GRK5: variants seen among roughly 807,000 people sequenced by gnomAD.
GRK5 encodes the protein G protein-coupled receptor kinase 5.
Under a neutral mutation model 78.4 loss-of-function variants are expected in GRK5, and 40 were observed. That is an observed-to-expected ratio of 0.51 (90% confidence interval 0.40 to 0.66). The LOEUF (loss-of-function observed/expected upper bound fraction) is 0.66. Ranked by LOEUF, GRK5 falls within the 30% of genes least tolerant of loss-of-function variation. The probability of loss-of-function intolerance (pLI) is 0.00; values close to 1 mark genes in which losing one functional copy is unlikely to be tolerated. For missense variants in GRK5, 598 were observed against 759.9 expected, an observed-to-expected ratio of 0.79 and a Z score of 2.50; for synonymous variants, 289 against 296.8, an observed-to-expected ratio of 0.97 and a Z score of 0.27.
intron 8 of GRK5, 78 bp from the exon 9 acceptor site, chr10:119,436,573 C>G (rs1852923767): frequency 7.0e-7 from 1 of 1,431,404 alleles, no homozygotes; most frequent in Non-Finnish European, 9.7e-7. Flanking sequence ...CACCCCAGCT[C>G]CCAGGATCCT....
intron 1 of GRK5, among the ~76,000 whole-genome samples, chr10:119,322,458 G>A (rs769831900): frequency 2.0e-5 from 3 of 152,224 alleles, no homozygotes; most frequent in Admixed American, 2.0e-4. Context: ...CTGAGGTAAC[G>A]CGTTGGATGT....
intron 1 of GRK5, among the ~76,000 whole-genome samples, chr10:119,241,234 TGGA>T (rs1849020328): frequency 6.6e-6 from 1 of 152,018 alleles, no homozygotes; most frequent in Non-Finnish European, 1.5e-5. Context: ...GAGAATCAAA[TGGA>T]GAAGAGCAAA....
At chr10:119,444,188 G>A (rs539257275) in intron 12 of GRK5, among the ~76,000 whole-genome samples, 1 of 152,276 alleles carries the variant, frequency 6.6e-6, no homozygotes, top group South Asian at 2.1e-4. Context: ...GGCTACAGGG[G>A]GTGGGGGCGA....
intron 4 of GRK5, among the ~76,000 whole-genome samples, chr10:119,416,482 T>A (rs1012793808): frequency 2.0e-5 from 3 of 152,206 alleles, no homozygotes; most frequent in Non-Finnish European, 4.4e-5. Context: ...CAGTGCTGAC[T>A]CTGTCCTCCA....
At chr10:119,345,423 G>T (rs1412438845) in intron 2 of GRK5, among the ~76,000 whole-genome samples, 1 of 152,120 alleles carries the variant, frequency 6.6e-6, no homozygotes, top group African/African-American at 2.4e-5. Flanking sequence ...GGGCTTCCTA[G>T]CCTCACCGGG....
chr10:119,293,674 A>G (rs1392998409), intron 1 of GRK5, among the ~76,000 whole-genome samples: 5 of 146,398 alleles, frequency 3.4e-5, no homozygotes, highest in African/African-American at 1.2e-4. Context: ...ACTGCCCAGG[A>G]GATTTGCTGG....
intron 1 of GRK5, among the ~76,000 whole-genome samples, chr10:119,313,218 G>GTGATGGTGGTGATGGTAA (rs1564887327): frequency 6.7e-6 from 1 of 148,198 alleles, no homozygotes. Context: ...AGTGGTGGTG[G>GTGATGGTGGTGATGGTAA]TGACGGTAGT....
At chr10:119,424,218 C>G (rs1852627356) in intron 5 of GRK5, among the ~76,000 whole-genome samples, 1 of 152,160 alleles carries the variant, frequency 6.6e-6, no homozygotes. Flanking sequence ...GCCATCTTGG[C>G]TCCCAACGAT....
intron 1 of GRK5, among the ~76,000 whole-genome samples, chr10:119,288,398 T>C (rs1589723404): frequency 6.6e-6 from 1 of 152,168 alleles, no homozygotes; most frequent in African/African-American, 2.4e-5. Context: ...TAGTGTCTGG[T>C]TCAGGGTCTA....
chr10:119,261,845 A>G, intron 1 of GRK5, among the ~76,000 whole-genome samples: 1 of 152,220 alleles, frequency 6.6e-6, no homozygotes, highest in Non-Finnish European at 1.5e-5. Context: ...CCGAGATGGC[A>G]GCAGTATAGT....
At chr10:119,212,648 T>G (rs1848506800) in intron 1 of GRK5, among the ~76,000 whole-genome samples, 2 of 152,220 alleles carry the variant, frequency 1.3e-5, no homozygotes, top group African/African-American at 4.8e-5. Flanking sequence ...GAGTGCAAGA[T>G]AAAGCATTAT....
intron 4 of GRK5, among the ~76,000 whole-genome samples, chr10:119,411,484 A>G (rs2133870288): frequency 6.6e-6 from 1 of 152,266 alleles, no homozygotes; most frequent in South Asian, 2.1e-4. Flanking sequence ...GGCCCTGGAG[A>G]GGCCCCTTTG....
intron 1 of GRK5, among the ~76,000 whole-genome samples, chr10:119,248,511 A>G (rs1235204518): frequency 6.6e-6 from 1 of 152,070 alleles, no homozygotes; most frequent in African/African-American, 2.4e-5. Context: ...TCTTTTTGAT[A>G]CTAAATGAAG....
intron 4 of GRK5, among the ~76,000 whole-genome samples, chr10:119,410,514 C>G (rs1420043957): frequency 1.3e-5 from 2 of 152,082 alleles, no homozygotes; most frequent in African/African-American, 2.4e-5. Flanking sequence ...TCAGGCTGAC[C>G]AGGTCAGCAG....
chr10:119,412,482 G>A lies in GRK5; in HGVS notation c.340-10684G>A, dbSNP rs146666591. On this transcript the variant is annotated intron_variant, in intron 4 of 15. Coordinates refer to ENST00000392870, the MANE Select transcript of GRK5 (RefSeq NM_005308.3). This position sits in a 1 kb window ranked among gnomAD's most constrained non-coding sequence, Gnocchi z 4.3. ...CCGCACAGCTCGTGAGCGTGTGGCC[G>A]GACTGATTTATTTTTCTCCCCAGTG... Among the ~76,000 whole-genome samples the A allele has an allele frequency of 6.6e-6, 1 of 152,248 alleles. No individual in the cohort carries two copies. The highest frequency in any genetic ancestry group is 1.5e-5 in the Non-Finnish European group (1 of 68,012).
Position 119,271,098 on chromosome 10 carries a change from C to CT in GRK5, c.53-55415dup, listed in dbSNP as rs1849576059. Reference sequence around the variant, plus strand: ...AGAAGTGACTGAATAGCAGACCGGGCTTTCGTAAGTAAGCTCACACTGTCA... The same window carrying CT: ...AGAAGTGACTGAATAGCAGACCGGGCTTTTCGTAAGTAAGCTCACACTGTCA... On this transcript the variant is annotated intron_variant, in intron 1 of 15. Transcript: ENST00000392870. This position sits in a 1 kb window ranked among gnomAD's most constrained non-coding sequence, Gnocchi z 4.1. Among the ~76,000 whole-genome samples the CT allele has an allele frequency of 6.6e-6, 1 of 152,224 alleles. No individual in the cohort carries two copies. Among genetic ancestry groups the CT allele is most frequent in the Admixed American group, 6.5e-5 (1 of 15,282 alleles).
chr10:119,433,542 G>A (rs910676344), intron 8 of GRK5, among the ~76,000 whole-genome samples: 23 of 152,322 alleles, frequency 1.5e-4, no homozygotes, highest in Non-Finnish European at 3.4e-4. Context: ...GCAGATGTGG[G>A]AGAAAGGGGA....
intron 1 of GRK5, among the ~76,000 whole-genome samples, chr10:119,236,744 A>G (rs777187067): frequency 2.6e-5 from 4 of 151,858 alleles, no homozygotes; most frequent in Non-Finnish European, 4.4e-5. Flanking sequence ...GGTTCAAGCA[A>G]TTCTCCTGCC....
At chr10:119,338,379 A>G (rs750227351) in intron 2 of GRK5, among the ~76,000 whole-genome samples, 1 of 152,174 alleles carries the variant, frequency 6.6e-6, no homozygotes, top group Non-Finnish European at 1.5e-5. Flanking sequence ...AGAAAATTAT[A>G]AGGAAAGAAA....
Sources: gnomAD v4.1 joint callset for allele counts (sites outside exome capture counted in the v4.1 genomes callset) on GRCh38, gnomAD v4.1.1 for gene constraint, Gnocchi (gnomAD v3.1) non-coding constraint, MANE v1.5 for transcripts, NCBI Gene and HGNC (gene_info 2026-07-23, HGNC 2026-07-21) for gene names.